Variants in FBXL4 observed in about 807,000 individuals in gnomAD.
The protein encoded by FBXL4 is F-box and leucine rich repeat protein 4.
In FBXL4, 40 loss-of-function variants were observed where a neutral mutation model predicts 58.9. The observed-to-expected ratio is 0.68, with a 90% CI of 0.53 to 0.88. The LOEUF (loss-of-function observed/expected upper bound fraction) is 0.88, where lower values mean the gene tolerates loss of function less well. FBXL4 is among the 40% of genes least tolerant of loss of function. FBXL4 has a pLI of 0.00. For synonymous variants in FBXL4, 263 were observed against 265.5 expected (o/e 0.99, Z 0.09); for missense variants, 676 against 734.4 (o/e 0.92, Z 0.92).
intron 5 of FBXL4, among the ~76,000 whole-genome samples, chr6:98,908,980 C>T (rs1046966064): frequency 1.4e-5 from 2 of 146,728 alleles, no homozygotes; most frequent in Non-Finnish European, 3.0e-5. Flanking sequence ...CCAGAATGTT[C>T]CTGAGTATTT....
At chr6:98,910,549 C>A (rs181423183) in intron 5 of FBXL4, among the ~76,000 whole-genome samples, 1 of 151,512 alleles carries the variant, frequency 6.6e-6, no homozygotes, top group East Asian at 2.0e-4. Flanking sequence ...CCCAGCTACT[C>A]GGGAGGCTGA....
In FBXL4 at chr6:98,927,057, T is replaced by C. The variant is rs144837535; in HGVS notation, c.-69A>G. ...TAAGATGCATGAACTCTTTGAAGGA[T>C]GTTCTAAAAAAATGAATGGCTTGGT... On this transcript the variant is annotated 5_prime_UTR_variant, in exon 4 of 10. Coordinates refer to ENST00000369244, the MANE Select transcript of FBXL4 (RefSeq NM_001278716.2). The C allele has an allele frequency of 7.1e-4, 1,056 of 1,478,134 alleles. 1 individual carries two copies. The highest frequency in any genetic ancestry group is 1.8e-3 in the Admixed American group (86 of 46,746). 91.6% of individuals were successfully genotyped at this position (1,478,134 alleles called of 1,614,324 possible).
intron 5 of FBXL4, among the ~76,000 whole-genome samples, chr6:98,907,587 T>C (rs1313492174): frequency 6.6e-6 from 1 of 152,206 alleles, no homozygotes; most frequent in Non-Finnish European, 1.5e-5. Context: ...TTCAAAGAAC[T>C]GCTTAAATAG....
chr6:98,928,363 T>C (rs1772873003), intron 2 of FBXL4, among the ~76,000 whole-genome samples: 1 of 152,060 alleles, frequency 6.6e-6, no homozygotes. Context: ...GGTGTCTCTC[T>C]TGCCGCCCAG....
chr6:98,899,825 C>T (rs779122514), intron 6 of FBXL4, among the ~76,000 whole-genome samples: 1 of 151,924 alleles, frequency 6.6e-6, no homozygotes, highest in Non-Finnish European at 1.5e-5. Flanking sequence ...AACAGCAAAA[C>T]ATAACAAAAC....
intron 5 of FBXL4, among the ~76,000 whole-genome samples, chr6:98,913,450 A>C (rs1265554020): frequency 1.3e-5 from 2 of 152,178 alleles, no homozygotes; most frequent in African/African-American, 4.8e-5. Context: ...AGCAAATGTA[A>C]AAGAACAGAA....
intron 2 of FBXL4, among the ~76,000 whole-genome samples, chr6:98,931,106 C>T (rs1772994940): frequency 6.6e-6 from 1 of 152,214 alleles, no homozygotes; most frequent in Non-Finnish European, 1.5e-5. Context: ...CTCTGGACAT[C>T]ACTTCTCACT....
intron 9 of FBXL4, 190 bp downstream of exon 9, chr6:98,875,225 T>A (rs1194725716): frequency 2.3e-5 from 14 of 613,082 alleles, no homozygotes; most frequent in Non-Finnish European, 3.5e-5. Flanking sequence ...CACTATTTTA[T>A]TAAAGTACAT....
intron 5 of FBXL4, among the ~76,000 whole-genome samples, chr6:98,905,998 G>A (rs1417474191): frequency 1.9e-4 from 29 of 152,028 alleles, no homozygotes; most frequent in Admixed American, 1.8e-3. Context: ...AGACACTGGC[G>A]ACAGAAAAGA....
chr6:98,892,440 T>G (rs1771263902), intron 7 of FBXL4, among the ~76,000 whole-genome samples: 1 of 152,222 alleles, frequency 6.6e-6, no homozygotes, highest in Non-Finnish European at 1.5e-5. Flanking sequence ...CTTTGTTAGC[T>G]GCAATGGCTC....
chr6:98,946,102 A>C (rs146090228), intron 1 of FBXL4, among the ~76,000 whole-genome samples: 4,570 of 152,262 alleles, frequency 0.03, 91 homozygotes, highest in Non-Finnish European at 0.046. Flanking sequence ...GCATCGTTCA[A>C]ATCCCTAGAT....
rs1263528371 is a variant in FBXL4 at position 98,917,603 on chromosome 6, T to A, written c.629A>T (p.Asn210Ile). 6.2e-7 allele frequency: 1 copy of A among 1,614,034 alleles called. No individual in the cohort carries two copies. Among genetic ancestry groups the A allele is most frequent in the Non-Finnish European group, 8.5e-7 (1 of 1,179,912 alleles). ...AGTGTAATATTCCAGAAGAGAACTA[T>A]TTACTTCCAGTCGTATAAGATTTGT... ...FPTNLIRLEV[N>I]SSLLEYYTEL... Residue 210 changes from asparagine (N) to isoleucine (I), a missense_variant, in exon 5 of 10, where the codon AAT becomes ATT. Physicochemically the swap from Asn to Ile is moderately radical, Grantham distance 149. Transcript: ENST00000369244.
chr6:98,897,185 C>T, intron 7 of FBXL4: 1 of 985,094 alleles, frequency 1.0e-6, no homozygotes, highest in Non-Finnish European at 1.2e-6. Context: ...ATCCTCCTTG[C>T]TCAGAGGATT....
intron 1 of FBXL4, among the ~76,000 whole-genome samples, chr6:98,936,132 C>T (rs1464800423): frequency 1.3e-5 from 2 of 152,068 alleles, no homozygotes; most frequent in Admixed American, 6.5e-5. Context: ...GCCATTATAG[C>T]TAAAATAGCA....
intron 8 of FBXL4, among the ~76,000 whole-genome samples, chr6:98,879,863 A>T (rs866964516): frequency 6.6e-6 from 1 of 150,398 alleles, no homozygotes; most frequent in East Asian, 2.0e-4. Flanking sequence ...GAATTGCTTG[A>T]ATCCGGGAGA....
intron 1 of FBXL4, among the ~76,000 whole-genome samples, chr6:98,937,666 G>C (rs1773273130): frequency 6.6e-6 from 1 of 152,096 alleles, no homozygotes; most frequent in African/African-American, 2.4e-5. Context: ...CACACTCGGT[G>C]CAATTTTGTG....
intron 7 of FBXL4, among the ~76,000 whole-genome samples, chr6:98,890,990 A>T (rs1771207166): frequency 6.6e-6 from 1 of 152,202 alleles, no homozygotes; most frequent in African/African-American, 2.4e-5. Context: ...GAAACTAAAC[A>T]TATGTAGAAA....
chr6:98,934,452 A>G (rs980125918), intron 2 of FBXL4, among the ~76,000 whole-genome samples: 3 of 152,124 alleles, frequency 2.0e-5, no homozygotes, highest in African/African-American at 7.2e-5. Flanking sequence ...TATAACAGCA[A>G]AGGTAATAAG....
At position 98,894,414 on chromosome 6, in the gene FBXL4, T is replaced by A. The variant is rs1309998420; in HGVS notation, c.1317+4854A>T. Reference sequence around the variant, plus strand: ...CTAAATCCCCATCTGTTGCAGAAAGTGCTGTCTATTCAACTCTAAAAGATC... The same window carrying A: ...CTAAATCCCCATCTGTTGCAGAAAGAGCTGTCTATTCAACTCTAAAAGATC... On this transcript the variant is annotated intron_variant, in intron 7 of 9. Coordinates refer to ENST00000369244, the MANE Select transcript of FBXL4 (RefSeq NM_001278716.2). Among the ~76,000 whole-genome samples, 3 of 152,260 alleles carry A rather than the reference T, an allele frequency of 2.0e-5. No homozygotes were observed. In the East Asian group the frequency reaches 5.8e-4, roughly 29 times the overall value.
Sources: allele counts gnomAD v4.1 joint callset (sites outside exome capture counted in the v4.1 genomes callset), GRCh38; gene constraint gnomAD v4.1.1; transcripts MANE v1.5; gene names NCBI Gene and HGNC (gene_info 2026-07-23, HGNC 2026-07-21).